The following GRIA1 variants were observed in gnomAD, a reference collection of about 807,000 sequenced individuals.
GRIA1 encodes glutamate ionotropic receptor AMPA type subunit 1.
Under a neutral mutation model 99.2 loss-of-function variants are expected in GRIA1, and 31 were observed. That is an observed-to-expected ratio of 0.31 (90% CI 0.23 to 0.42). The LOEUF is 0.42. GRIA1 is among the 10% of genes least tolerant of loss of function. GRIA1 has a pLI of 1.00. For synonymous variants in GRIA1, 438 were observed against 432.4 expected, an observed-to-expected ratio of 1.01 and a Z score of -0.16; for missense variants, 782 against 1,157.5, an observed-to-expected ratio of 0.68 and a Z score of 4.71.
At chr5:153,514,818 G>A (rs1756456050) in intron 2 of GRIA1, among the ~76,000 whole-genome samples, 1 of 152,032 alleles carries the variant, frequency 6.6e-6, no homozygotes, top group Admixed American at 6.6e-5. Flanking sequence ...TTCCTCAAAA[G>A]AAAGCATACA....
chr5:153,744,180 G>A (rs919225780), intron 11 of GRIA1, among the ~76,000 whole-genome samples: 2 of 152,212 alleles, frequency 1.3e-5, no homozygotes, highest in East Asian at 3.9e-4. Flanking sequence ...AAGGGGGAGA[G>A]ATACAAAGTT....
At chr5:153,522,544 T>C (rs998921098) in intron 2 of GRIA1, among the ~76,000 whole-genome samples, 5 of 152,196 alleles carry the variant, frequency 3.3e-5, no homozygotes, top group African/African-American at 1.2e-4. Context: ...GTTTATTTCT[T>C]GGTCATGCTG....
At chr5:153,766,189 C>A (rs903626065) in intron 12 of GRIA1, among the ~76,000 whole-genome samples, 4 of 152,166 alleles carry the variant, frequency 2.6e-5, no homozygotes, top group South Asian at 4.1e-4. Flanking sequence ...CAGGAAGGTG[C>A]CTTAGAGGTC....
chr5:153,576,253 T>C (rs1353198892), intron 2 of GRIA1, among the ~76,000 whole-genome samples: 1 of 152,186 alleles, frequency 6.6e-6, no homozygotes, highest in African/African-American at 2.4e-5. Flanking sequence ...ATACATGTTT[T>C]AAGAGCTTAG....
In GRIA1 at chr5:153,720,024, C is replaced by T. The variant is rs535474172; in HGVS notation, c.1823+13957C>T. ...TCAGTGTTTATTAATTTTTTGTGTC[C>T]ACAATAGACACCAGTGATTACTTTT... On this transcript the variant is annotated intron_variant, in intron 11 of 15. Coordinates refer to ENST00000285900, the MANE Select transcript of GRIA1 (RefSeq NM_000827.4). Among the ~76,000 whole-genome samples the T allele has an allele frequency of 1.6e-4, 24 of 152,102 alleles. 1 individual carries two copies. In the East Asian group the frequency reaches 3.9e-3, roughly 24 times the overall value.
Position 153,731,843 on chromosome 5 carries a change from C to A in GRIA1, c.1823+25776C>A, listed in dbSNP as rs185212628. On this transcript the variant is annotated intron_variant, in intron 11 of 15. Transcript: ENST00000285900. ...AGTTTCTAAGCTGCACCTTAGGTAT[C>A]CGGAACTTATTATTCGTTTTATAAC... 2.2e-3 allele frequency among the ~76,000 whole-genome samples: 332 copies of A among 152,150 alleles called. 1 individual carries two copies. Among genetic ancestry groups the A allele is most frequent in the African/African-American group, 6.4e-3 (267 of 41,534 alleles).
At chr5:153,668,977 A>C (rs1434969486) in intron 5 of GRIA1, among the ~76,000 whole-genome samples, 1 of 152,208 alleles carries the variant, frequency 6.6e-6, no homozygotes, top group East Asian at 1.9e-4. Flanking sequence ...ACATTTGTGA[A>C]GAAGACAGAT....
At chr5:153,582,901 A>G (rs902321728) in intron 2 of GRIA1, among the ~76,000 whole-genome samples, 1 of 152,036 alleles carries the variant, frequency 6.6e-6, no homozygotes, top group Non-Finnish European at 1.5e-5. Context: ...TGGGCACAGC[A>G]ATCATCCACC....
chr5:153,627,879 G>A (rs1767788547), intron 2 of GRIA1, among the ~76,000 whole-genome samples: 1 of 151,896 alleles, frequency 6.6e-6, no homozygotes, highest in South Asian at 2.1e-4. Flanking sequence ...GCATCACTCA[G>A]AAAGCCTTTG....
At chr5:153,691,716 T>A (rs1172618101) in intron 8 of GRIA1, among the ~76,000 whole-genome samples, 1 of 152,192 alleles carries the variant, frequency 6.6e-6, no homozygotes, top group Non-Finnish European at 1.5e-5. Context: ...GCATCTCAGA[T>A]ATAGCCTAAA....
intron 2 of GRIA1, among the ~76,000 whole-genome samples, chr5:153,627,168 A>G (rs1767708723): frequency 6.6e-6 from 1 of 152,236 alleles, no homozygotes; most frequent in Non-Finnish European, 1.5e-5. Flanking sequence ...CAATAACAAT[A>G]TAGCCTCAGA....
At chr5:153,640,530 G>T (rs1340298898) in intron 2 of GRIA1, among the ~76,000 whole-genome samples, 1 of 152,112 alleles carries the variant, frequency 6.6e-6, no homozygotes, top group Non-Finnish European at 1.5e-5. Context: ...TTTTATCTTG[G>T]TGCTTTGGAT....
At chr5:153,804,129 C>T (rs970592432) in intron 15 of GRIA1, among the ~76,000 whole-genome samples, 1 of 152,132 alleles carries the variant, frequency 6.6e-6, no homozygotes. Context: ...ATTTAAAAGG[C>T]AACTTCTCCA....
intron 2 of GRIA1, among the ~76,000 whole-genome samples, chr5:153,599,536 T>C (rs372055013): frequency 6.6e-6 from 1 of 152,188 alleles, no homozygotes; most frequent in African/African-American, 2.4e-5. Flanking sequence ...ATACTTTAAA[T>C]CATCTCTATA....
chr5:153,536,293 G>A (rs544198755), intron 2 of GRIA1, among the ~76,000 whole-genome samples: 2 of 151,422 alleles, frequency 1.3e-5, no homozygotes, highest in South Asian at 2.1e-4. Flanking sequence ...ACTTTTAATC[G>A]TCCCTCAGGG....
intron 2 of GRIA1, among the ~76,000 whole-genome samples, chr5:153,553,587 C>T (rs551558508): frequency 4.6e-5 from 7 of 152,058 alleles, no homozygotes; most frequent in Non-Finnish European, 8.8e-5. Flanking sequence ...CCTGTTAGTG[C>T]TTGTGAGGAG....
intron 2 of GRIA1, among the ~76,000 whole-genome samples, chr5:153,606,347 C>G (rs536849821): frequency 6.6e-6 from 1 of 152,044 alleles, no homozygotes; most frequent in Admixed American, 6.6e-5. Context: ...GAACAGGAAG[C>G]TTTTCCCCTT....
chr5:153,661,673 T>C (rs1755381569), intron 5 of GRIA1, among the ~76,000 whole-genome samples: 1 of 152,160 alleles, frequency 6.6e-6, no homozygotes, highest in African/African-American at 2.4e-5. Flanking sequence ...AATGAATGAA[T>C]GAATGAATGA....
chr5:153,674,447 G>A, intron 5 of GRIA1, 53 bp from the exon 6 acceptor site: 1 of 1,602,226 alleles, frequency 6.2e-7, no homozygotes, highest in South Asian at 1.1e-5. Flanking sequence ...AACAGGTTAA[G>A]TTGATTTATC....
Sources: allele counts gnomAD v4.1 joint callset (sites outside exome capture counted in the v4.1 genomes callset), GRCh38; gene constraint gnomAD v4.1.1; transcripts MANE v1.5; gene names NCBI Gene and HGNC (gene_info 2026-07-23, HGNC 2026-07-21).